SRPRB: variants seen among roughly 807,000 people sequenced by gnomAD.
The protein encoded by SRPRB is signal recognition particle receptor subunit beta.
A neutral mutation model predicts 31.9 loss-of-function variants in SRPRB; 20 were observed. The observed-to-expected ratio is 0.63, with a 90% confidence interval of 0.44 to 0.91. The LOEUF (loss-of-function observed/expected upper bound fraction) is 0.91, where lower values mean the gene tolerates loss of function less well. Among genes scored for constraint, SRPRB ranks in the 40% least tolerant of loss-of-function variants. The probability of loss-of-function intolerance (pLI) is 0.00; values close to 1 mark genes in which losing one functional copy is unlikely to be tolerated. For synonymous variants in SRPRB, 146 were observed against 132.8 expected, an observed-to-expected ratio of 1.10 and a Z score of -0.68; for missense variants, 321 against 324.9, an observed-to-expected ratio of 0.99 and a Z score of 0.09.
rs1294055946 is a variant in SRPRB, at chr3:133,815,643, T to A, written c.464T>A (p.Val155Glu). 2 of 1,613,934 alleles carry A rather than the reference T, an allele frequency of 1.2e-6. No homozygotes were observed. The highest frequency in any genetic ancestry group is 1.3e-5 in the African/African-American group (1 of 74,892). The part of the protein sequence containing the change: ...SAAFQREVKD[V>E]AEFLYQVLID... ...GCATTCCAGCGAGAGGTGAAAGATG[T>A]GGCTGAGTTTCTGTATCAAGTCCTC... is the stretch of plus-strand genomic sequence containing the variant. Residue 155 changes from valine (V) to glutamate (E), a missense_variant, in exon 5 of 7, where the codon GTG becomes GAG. Transcript: ENST00000678299.
chr3:133,804,051 G>A (rs1196740053), upstream of SRPRB, among the ~76,000 whole-genome samples: 2 of 124,582 alleles, frequency 1.6e-5, no homozygotes, highest in East Asian at 2.6e-4. Flanking sequence ...AGCCGAGATC[G>A]CACCACTGCA....
At chr3:133,788,853 C>T (rs914948138) in intron 1 of SRPRB, 4 of 152,290 alleles carry the variant, frequency 2.6e-5, no homozygotes, top group Non-Finnish European at 4.4e-5. Flanking sequence ...CCCTACTTGA[C>T]TGGCTAAGGA....
chr3:133,821,557 A>C (rs574589334), downstream of SRPRB: 2 of 152,306 alleles, frequency 1.3e-5, no homozygotes, highest in African/African-American at 4.8e-5. Context: ...AGGAAGCAGC[A>C]CACCAGAAAA....
intron 3 of SRPRB, among the ~76,000 whole-genome samples, chr3:133,808,686 T>C (rs549751977): frequency 2.3e-4 from 34 of 150,978 alleles, no homozygotes; most frequent in African/African-American, 6.3e-4. Flanking sequence ...AGGTCAGGAG[T>C]TCAAGACCAG....
At chr3:133,824,565 C>T (rs1006958030), downstream of SRPRB, 13 of 152,204 alleles carry the variant, frequency 8.5e-5, no homozygotes, top group African/African-American at 3.1e-4. Flanking sequence ...AGACAGGGGT[C>T]TGGAGTCCAA....
chr3:133,805,999 C>A lies in SRPRB; in HGVS notation c.151C>A (p.Leu51Ile). The change falls in exon 1 of 7, where the codon CTA (leucine) becomes ATA (isoleucine). Residue 51 changes from leucine to isoleucine, a missense_variant. Coordinates refer to ENST00000678299, the MANE Select transcript of SRPRB (RefSeq NM_001379313.1). ...VVAVLAVLLT[L>I]VFWKLIRSRR... The stretch of plus-strand genomic sequence containing the variant: ...GGCGGTTCTTGCGGTGCTGCTGACG[C>A]TAGGTAAAAGGCGGCCGGTGGTCAT... 1 of 1,612,718 alleles carries A rather than the reference C, an allele frequency of 6.2e-7. No individual in the cohort carries two copies. Among genetic ancestry groups the A allele is most frequent in the Non-Finnish European group, 8.5e-7 (1 of 1,179,138 alleles).
intron 1 of SRPRB, chr3:133,787,555 C>T (rs1209540436): frequency 6.6e-6 from 1 of 152,174 alleles, no homozygotes; most frequent in Admixed American, 6.5e-5. Context: ...TATAATAACA[C>T]TTTTTGTAAA....
At chr3:133,801,556 C>A (rs368762793), upstream of SRPRB, among the ~76,000 whole-genome samples, 1 of 152,222 alleles carries the variant, frequency 6.6e-6, no homozygotes, top group East Asian at 1.9e-4. Flanking sequence ...CCTCTTCATT[C>A]ACATAGCTCT....
At chr3:133,828,117 G>A (rs1935601229), downstream of SRPRB, 4 of 634,208 alleles carry the variant, frequency 6.3e-6, no homozygotes, top group Admixed American at 6.8e-5. Context: ...TCCTCTGGGG[G>A]CTGCTGCCGG....
intron 1 of SRPRB, among the ~76,000 whole-genome samples, chr3:133,798,004 C>T (rs968802175): frequency 6.6e-6 from 1 of 152,062 alleles, no homozygotes; most frequent in Non-Finnish European, 1.5e-5. Flanking sequence ...GAGATAACAG[C>T]CATAGGTCTA....
chr3:133,796,690 A>G (rs939414277), intron 1 of SRPRB: 2 of 152,214 alleles, frequency 1.3e-5, no homozygotes, highest in Admixed American at 6.5e-5. Flanking sequence ...TTGTTCAAGA[A>G]GCCAAGAACC....
intron 3 of SRPRB, 169 bp from the exon 4 acceptor site, chr3:133,810,948 A>G: frequency 3.6e-6 from 2 of 551,874 alleles, no homozygotes; most frequent in Non-Finnish European, 6.0e-6. Context: ...GTCTTTGGCC[A>G]CTGTTACATC....
intron 4 of SRPRB, 74 bp downstream of exon 4, chr3:133,811,273 C>A: frequency 6.6e-7 from 1 of 1,505,606 alleles, no homozygotes; most frequent in Non-Finnish European, 9.2e-7. Context: ...GTGATTTGCT[C>A]TGGTGGTGTT....
intron 1 of SRPRB, chr3:133,793,093 T>C (rs1424221603): frequency 6.6e-6 from 1 of 152,184 alleles, no homozygotes; most frequent in Non-Finnish European, 1.5e-5. Context: ...GCTTTCTCTC[T>C]TGAACAAGAT....
chr3:133,800,716 G>A (rs890900975), intron 1 of SRPRB, among the ~76,000 whole-genome samples: 9 of 152,166 alleles, frequency 5.9e-5, no homozygotes, highest in South Asian at 2.1e-4. Context: ...CCTCAAACCC[G>A]CTAAGGCAGG....
intron 3 of SRPRB, among the ~76,000 whole-genome samples, chr3:133,808,730 A>C (rs1935205609): frequency 6.6e-6 from 1 of 151,690 alleles, no homozygotes; most frequent in Non-Finnish European, 1.5e-5. Flanking sequence ...GTCTCTACTA[A>C]AAATACAAAA....
intron 4 of SRPRB, among the ~76,000 whole-genome samples, chr3:133,811,820 G>C (rs1014120566): frequency 6.6e-6 from 1 of 152,124 alleles, no homozygotes; most frequent in African/African-American, 2.4e-5. Flanking sequence ...CTGACCTCAT[G>C]ATCCGCTGGC....
downstream of SRPRB, chr3:133,825,949 C>T (rs1216490446): frequency 6.6e-6 from 1 of 152,248 alleles, no homozygotes; most frequent in Non-Finnish European, 1.5e-5. Context: ...AATGCCATGA[C>T]ATCTTCTTCA....
chr3:133,791,892 C>T (rs1451782596), intron 1 of SRPRB: 1 of 152,122 alleles, frequency 6.6e-6, no homozygotes, highest in Non-Finnish European at 1.5e-5. Context: ...ATAATAAGAG[C>T]TTAAATCAAA....
Sources: allele counts gnomAD v4.1 joint callset (sites outside exome capture counted in the v4.1 genomes callset), GRCh38; gene constraint gnomAD v4.1.1; transcripts MANE v1.5; gene names NCBI Gene and HGNC (gene_info 2026-07-23, HGNC 2026-07-21).